The following MGST3 variants were observed in gnomAD, a reference collection of about 807,000 sequenced individuals.
MGST3 encodes glutathione S-transferase 3, mitochondrial.
MGST3 carries 13 observed loss-of-function variants against 15.8 expected under a neutral mutation model. The observed-to-expected ratio is 0.82, with a 90% CI of 0.54 to 1.31. MGST3 has a LOEUF of 1.31. MGST3 is among the 50% of genes most tolerant of loss of function. The pLI is 0.00. For missense variants in MGST3, 155 were observed against 192.4 expected (o/e 0.81, Z 1.15); for synonymous variants, 49 against 68.1 (o/e 0.72, Z 1.38).
At chr1:165,645,696 G>C (rs1648379950) in intron 1 of MGST3, 1 of 152,114 alleles carries the variant, frequency 6.6e-6, no homozygotes. Context: ...TGTTACAATG[G>C]CACAGTGGCT....
At chr1:165,652,886 T>C (rs1648603067) in intron 4 of MGST3, among the ~76,000 whole-genome samples, 1 of 152,190 alleles carries the variant, frequency 6.6e-6, no homozygotes. Flanking sequence ...TAAAGCAAGT[T>C]TATCAGCCTC....
chr1:165,639,097 G>A (rs191042146), intron 1 of MGST3, among the ~76,000 whole-genome samples: 1 of 152,052 alleles, frequency 6.6e-6, no homozygotes, highest in African/African-American at 2.4e-5. Flanking sequence ...GTATTCCAAC[G>A]ATCGTGGATC....
intron 1 of MGST3, among the ~76,000 whole-genome samples, chr1:165,638,683 T>C (rs950191753): frequency 1.3e-5 from 2 of 151,836 alleles, no homozygotes; most frequent in Non-Finnish European, 2.9e-5. Flanking sequence ...CTTAGGAGGC[T>C]GAGGCAGGAG....
At chr1:165,651,141 G>C in intron 3 of MGST3, 54 bp downstream of exon 3, 2 of 1,450,738 alleles carry the variant, frequency 1.4e-6, no homozygotes, top group African/African-American at 2.8e-5. Context: ...GGTGTTTTCT[G>C]TCTAACACCT....
chr1:165,655,356 C>A lies in MGST3; in HGVS notation c.323-12C>A. 6.2e-7 allele frequency: 1 copy of A among 1,613,684 alleles called. No individual in the cohort carries two copies. Among genetic ancestry groups the A allele is most frequent in the Non-Finnish European group, 8.5e-7 (1 of 1,179,730 alleles). On this transcript the variant is annotated splice_polypyrimidine_tract_variant and intron_variant, in intron 5 of 5. Coordinates refer to ENST00000367889, the MANE Select transcript of MGST3 (RefSeq NM_004528.4). ...GCACTCCTGGTAACTTCTGTTCTTT[C>A]TTCTTTTTCAGAACCCAGCAAGCGT...
chr1:165,655,782 TGTAG>T lies in MGST3; in HGVS notation c.*282_*285del. 2.1e-6 allele frequency: 1 copy of T among 466,818 alleles called. No homozygotes were observed. Among genetic ancestry groups the T allele is most frequent in the Non-Finnish European group, 3.9e-6 (1 of 256,050 alleles). 28.9% of individuals were successfully genotyped at this position (466,818 alleles called of 1,614,324 possible). A position where few individuals can be genotyped will look rare whatever the true frequency, so the allele number is the denominator to read the frequency against. On this transcript the variant is annotated 3_prime_UTR_variant, in exon 6 of 6. Transcript: ENST00000367889. The stretch of plus-strand genomic sequence containing the variant: ...TTGAGAAAAAGTCTGATTGTGGTGA[TGTAG>T]GTATAGTCATGCCACAGTGATGAAA...
At chr1:165,654,107 T>C (rs1374967498) in intron 4 of MGST3, 172 bp from the exon 5 acceptor site, 1 of 660,366 alleles carries the variant, frequency 1.5e-6, no homozygotes, top group African/African-American at 1.8e-5. Context: ...ATCACAGATA[T>C]TTTATTTTCC....
At chr1:165,638,041 C>T (rs1044995557) in intron 1 of MGST3, among the ~76,000 whole-genome samples, 7 of 152,132 alleles carry the variant, frequency 4.6e-5, no homozygotes, top group Non-Finnish European at 1.0e-4. Flanking sequence ...TCTGCTACCC[C>T]CCACGTCCTA....
In MGST3 at chr1:165,649,890, G is replaced by T. The variant is rs1802087; in HGVS notation, c.43G>T (p.Gly15Cys). The T allele has an allele frequency of 6.2e-7, 1 of 1,614,160 alleles. No individual in the cohort carries two copies. Among genetic ancestry groups the T allele is most frequent in the Non-Finnish European group, 8.5e-7 (1 of 1,180,032 alleles). ...GGAATATGGTTTTGTGCTTCTAACTGGTGCTGCCAGCTTTATAATGGTGGC... is the reference window on the plus strand; with the variant it reads ...GGAATATGGTTTTGTGCTTCTAACTTGTGCTGCCAGCTTTATAATGGTGGC... The part of the protein sequence containing the change: ...SKEYGFVLLT[G>C]AASFIMVAHL... Residue 15 changes from glycine to cysteine, a missense_variant, in exon 2 of 6, where the codon GGT becomes TGT. Gly to Cys is a radical substitution (Grantham distance 159). Transcript: ENST00000367889.
intron 1 of MGST3, among the ~76,000 whole-genome samples, chr1:165,637,316 G>T (rs1648139214): frequency 1.3e-5 from 2 of 152,210 alleles, no homozygotes; most frequent in African/African-American, 2.4e-5. Context: ...CAAAGAGAGA[G>T]AGCTGAAAGA....
chr1:165,633,009 C>A (rs1329793532), intron 1 of MGST3, among the ~76,000 whole-genome samples: 2 of 152,204 alleles, frequency 1.3e-5, no homozygotes, highest in Admixed American at 1.3e-4. Flanking sequence ...TCTTCTGAAT[C>A]TATATTTAGA....
At chr1:165,641,177 T>C (rs946695290) in intron 1 of MGST3, among the ~76,000 whole-genome samples, 2 of 136,272 alleles carry the variant, frequency 1.5e-5, no homozygotes, top group African/African-American at 5.0e-5. Context: ...AGCAAAACTT[T>C]GTCTCAAAAC....
At chr1:165,648,406 C>G (rs1648466245) in intron 1 of MGST3, 1 of 152,362 alleles carries the variant, frequency 6.6e-6, no homozygotes. Context: ...ACCTGTAATC[C>G]CAGCACTTTG....
intron 1 of MGST3, among the ~76,000 whole-genome samples, chr1:165,640,416 A>G (rs1248943680): frequency 6.6e-6 from 1 of 151,790 alleles, no homozygotes. Flanking sequence ...TAGTAGTAGA[A>G]TATAACCACC....
At chr1:165,632,341 G>A (rs998156018) in intron 1 of MGST3, 20 of 1,547,090 alleles carry the variant, frequency 1.3e-5, no homozygotes, top group African/African-American at 2.7e-5. Flanking sequence ...CTGGTGGGTA[G>A]GAGCTGCAGC....
In MGST3 at chr1:165,651,999, C is replaced by G. The variant is rs772020258; in HGVS notation, c.213C>G (p.Phe71Leu). The G allele has an allele frequency of 1.2e-6, 2 of 1,611,908 alleles. No individual in the cohort carries two copies. The highest frequency in any genetic ancestry group is 4.5e-5 in the East Asian group (2 of 44,766). ...HQNTLEVYPPFLFFLAVGGVY... is the reference protein window; with the variant it reads ...HQNTLEVYPPLLFFLAVGGVY... Reference sequence around the variant, plus strand: ...CCAGGTTGGAAGTGTATCCTCCCTTCTTATTTTTTCTAGCTGTTGGAGGTG... The same window carrying G: ...CCAGGTTGGAAGTGTATCCTCCCTTGTTATTTTTTCTAGCTGTTGGAGGTG... Residue 71 changes from phenylalanine to leucine, a missense_variant, in exon 4 of 6, where the codon TTC becomes TTG. Phe to Leu is a conservative substitution (Grantham distance 22). Transcript: ENST00000367889.
intron 1 of MGST3, among the ~76,000 whole-genome samples, chr1:165,640,500 C>T (rs758384554): frequency 6.6e-6 from 1 of 151,934 alleles, no homozygotes; most frequent in Non-Finnish European, 1.5e-5. Flanking sequence ...TTGCTCAGAA[C>T]AGTGGTTCTT....
intron 1 of MGST3, among the ~76,000 whole-genome samples, chr1:165,631,845 CTT>C (rs1185828451): frequency 3.9e-5 from 6 of 152,246 alleles, no homozygotes; most frequent in South Asian, 2.1e-4. Flanking sequence ...CCTCCTGCCT[CTT>C]AGAATCGTTT....
At chr1:165,650,138 C>A in intron 2 of MGST3, 174 bp downstream of exon 2, 1 of 848,044 alleles carries the variant, frequency 1.2e-6, no homozygotes, top group African/African-American at 1.7e-5. Flanking sequence ...GCAAGAAATA[C>A]AGGGCCCTGC....
Sources: allele counts gnomAD v4.1 joint callset (sites outside exome capture counted in the v4.1 genomes callset), GRCh38; gene constraint gnomAD v4.1.1; transcripts MANE v1.5; gene names NCBI Gene and HGNC (gene_info 2026-07-23, HGNC 2026-07-21).